The following RALGPS1 variants were observed in gnomAD, a reference collection of about 807,000 sequenced individuals.
RALGPS1 encodes Ral GEF with PH domain and SH3 binding motif 1, also known as ras-specific guanine nucleotide-releasing factor RalGPS1.
A neutral mutation model predicts 78.8 loss-of-function variants in RALGPS1; 19 were observed. The ratio of observed to expected loss-of-function variants is 0.24; its 90% CI spans 0.17 to 0.35. The LOEUF is 0.35. Ranked by LOEUF, RALGPS1 falls within the 10% of genes least tolerant of loss-of-function variation. The pLI, the probability that RALGPS1 is intolerant of heterozygous loss-of-function variation, is 1.00. For synonymous variants in RALGPS1, 228 were observed against 256.3 expected (o/e 0.89, Z 1.06); for missense variants, 454 against 688.3 (o/e 0.66, Z 3.81).
At chr9:126,972,337 G>A (rs1325472174) in intron 3 of RALGPS1, among the ~76,000 whole-genome samples, 1 of 152,202 alleles carries the variant, frequency 6.6e-6, no homozygotes, top group Non-Finnish European at 1.5e-5. Context: ...AAAGAATCAA[G>A]CATTTGTCCT....
chr9:126,927,345 A>G (rs960955538), intron 1 of RALGPS1, among the ~76,000 whole-genome samples: 1 of 152,106 alleles, frequency 6.6e-6, no homozygotes, highest in Non-Finnish European at 1.5e-5. Flanking sequence ...GGAAGAAGCA[A>G]GAGGAGGAAT....
intron 8 of RALGPS1, among the ~76,000 whole-genome samples, chr9:127,151,687 A>G (rs2058431914): frequency 1.3e-5 from 2 of 152,090 alleles, no homozygotes; most frequent in African/African-American, 2.4e-5. Context: ...TTTTAATTCA[A>G]GTGTTTAGCC....
chr9:127,138,544 G>A (rs1400088702), intron 8 of RALGPS1, among the ~76,000 whole-genome samples: 2 of 152,054 alleles, frequency 1.3e-5, no homozygotes, highest in Non-Finnish European at 2.9e-5. Flanking sequence ...ATAGGTGTTG[G>A]GCAAGCTCAC....
Position 127,195,099 on chromosome 9 carries a change from G to C in RALGPS1, c.919G>C (p.Ala307Pro), listed in dbSNP as rs751614500. 3.1e-6 allele frequency: 5 copies of C among 1,613,356 alleles called. No homozygotes were observed. The highest frequency in any genetic ancestry group is 4.2e-6 in the Non-Finnish European group (5 of 1,179,904). The change falls in exon 12 of 19, where the codon GCT becomes CCT. Residue 307 changes from alanine (A) to proline (P), a missense_variant. By Grantham distance (27) the Ala-to-Pro change is conservative. Transcript: ENST00000259351. ...CTCTGCTCTGTTTGCAGGTCCCTCT[G>C]CTGGCTCCGGTTCTGCGAGGTTCAG... ...SSKEDLAGPS[A>P]GSGSARFSRR...
intron 5 of RALGPS1, among the ~76,000 whole-genome samples, chr9:127,044,630 G>A (rs572587483): frequency 6.6e-6 from 1 of 152,248 alleles, no homozygotes; most frequent in African/African-American, 2.4e-5. Context: ...TGTTACATGA[G>A]TATATTGCAT....
At chr9:127,029,059 A>G (rs561288192) in intron 4 of RALGPS1, among the ~76,000 whole-genome samples, 3 of 152,116 alleles carry the variant, frequency 2.0e-5, no homozygotes, top group Non-Finnish European at 4.4e-5. Context: ...AGGTGTGGAC[A>G]TCATGCACCT....
rs1263078796 is a variant in RALGPS1, at chr9:127,174,900, C to A, written c.910+118C>A. The A allele has an allele frequency of 1.3e-5, 11 of 849,892 alleles. 1 individual carries two copies. The highest frequency in any genetic ancestry group is 1.9e-5 in the Non-Finnish European group (10 of 514,530). The allele number at this position is 849,892 out of a possible 1,614,324, so 52.6% of individuals were successfully genotyped here. A position where few individuals can be genotyped will look rare whatever the true frequency, so the allele number is the denominator to read the frequency against. Reference sequence around the variant, plus strand: ...CAAGTTTGCAGCTTAGCAGACTCAGCTATCCCTGTTCACAGCCCTCCTGCA... The same window carrying A: ...CAAGTTTGCAGCTTAGCAGACTCAGATATCCCTGTTCACAGCCCTCCTGCA... On this transcript the variant is annotated intron_variant, in intron 11 of 18. Transcript: ENST00000259351.
rs147335026 is a variant in RALGPS1 at position 127,220,410 on chromosome 9, A to G, written c.*1641A>G. 10 of 152,374 alleles carry G rather than the reference A, an allele frequency of 6.6e-5. No individual in the cohort carries two copies. In the East Asian group the frequency reaches 1.5e-3, roughly 23 times the overall value. 9.4% of individuals were successfully genotyped at this position (152,374 alleles called of 1,614,324 possible). On this transcript the variant is annotated 3_prime_UTR_variant, in exon 19 of 19. Coordinates refer to ENST00000259351, the MANE Select transcript of RALGPS1 (RefSeq NM_014636.3). ...ATTTGAATGGCTTGGTGAGGAAAGT[A>G]GTTGTCACCAGGGCCTCATTTTGTA...
intron 11 of RALGPS1, among the ~76,000 whole-genome samples, chr9:127,189,444 A>T (rs1049060316): frequency 6.6e-6 from 1 of 152,188 alleles, no homozygotes; most frequent in Non-Finnish European, 1.5e-5. Context: ...CCATGCACCC[A>T]CAAGGCCTAG....
At chr9:127,133,441 A>C (rs1028722753) in intron 8 of RALGPS1, among the ~76,000 whole-genome samples, 5 of 152,250 alleles carry the variant, frequency 3.3e-5, no homozygotes, top group Admixed American at 1.3e-4. Flanking sequence ...GCTTGAGAGC[A>C]TGCCGAGGTG....
chr9:126,955,525 C>G (rs924267938), intron 1 of RALGPS1, among the ~76,000 whole-genome samples: 2 of 152,032 alleles, frequency 1.3e-5, no homozygotes, highest in African/African-American at 4.8e-5. Context: ...TTATTAGACT[C>G]CCCAATAGTT....
At chr9:126,948,042 C>T (rs571320015) in intron 1 of RALGPS1, among the ~76,000 whole-genome samples, 1 of 152,160 alleles carries the variant, frequency 6.6e-6, no homozygotes, top group Admixed American at 6.5e-5. Context: ...CCTGTATATC[C>T]ACACATATCA....
chr9:127,022,517 GAA>G (rs550503351), intron 4 of RALGPS1, among the ~76,000 whole-genome samples: 116 of 141,870 alleles, frequency 8.2e-4, no homozygotes, highest in African/African-American at 2.9e-3. Flanking sequence ...ATCCCATGCA[GAA>G]AAAAAAAAAA....
At chr9:127,123,317 C>G (rs2056337377) in intron 8 of RALGPS1, among the ~76,000 whole-genome samples, 1 of 152,270 alleles carries the variant, frequency 6.6e-6, no homozygotes, top group Non-Finnish European at 1.5e-5. Context: ...GAGGAAAGCT[C>G]TGTGACTTCA....
Position 127,179,890 on chromosome 9 carries a change from C to T in RALGPS1, c.910+5108C>T, listed in dbSNP as rs147930512. On this transcript the variant is annotated intron_variant, in intron 11 of 18. Coordinates refer to ENST00000259351, the MANE Select transcript of RALGPS1 (RefSeq NM_014636.3). ...GCCCTTTGAGGCCTTGATTCAAGTCCGAAGTGGTCTGTGGGCTGAGGCTGC... is the reference window on the plus strand; with the variant it reads ...GCCCTTTGAGGCCTTGATTCAAGTCTGAAGTGGTCTGTGGGCTGAGGCTGC... Among the ~76,000 whole-genome samples, 436 of 152,284 alleles carry T rather than the reference C, an allele frequency of 2.9e-3. 4 individuals carry two copies. The highest frequency in any genetic ancestry group is 0.024 in the Middle Eastern group (7 of 294).
At chr9:127,191,372 C>T (rs2061021990) in intron 11 of RALGPS1, among the ~76,000 whole-genome samples, 1 of 152,126 alleles carries the variant, frequency 6.6e-6, no homozygotes, top group Non-Finnish European at 1.5e-5. Context: ...CATTAATCCA[C>T]TTGCTTAACA....
At chr9:127,210,815 T>G (rs934167678) in intron 14 of RALGPS1, 4 of 1,507,652 alleles carry the variant, frequency 2.7e-6, no homozygotes, top group Non-Finnish European at 3.6e-6. Flanking sequence ...GTTTGACACA[T>G]AGCTTGTTAT....
At chr9:127,092,007 C>A in intron 8 of RALGPS1, 1 of 1,574,166 alleles carries the variant, frequency 6.4e-7, no homozygotes, top group South Asian at 1.2e-5. Flanking sequence ...GCTTGGCTGT[C>A]AGACACTCAG....
intron 8 of RALGPS1, among the ~76,000 whole-genome samples, chr9:127,135,219 G>T (rs933727095): frequency 6.6e-6 from 1 of 152,200 alleles, no homozygotes; most frequent in Middle Eastern, 3.2e-3. Context: ...GCTGTTTCTA[G>T]TATAGAGATG....
Sources: gnomAD v4.1 joint callset for allele counts (sites outside exome capture counted in the v4.1 genomes callset) on GRCh38, gnomAD v4.1.1 for gene constraint, MANE v1.5 for transcripts, NCBI Gene and HGNC (gene_info 2026-07-23, HGNC 2026-07-21) for gene names.